ETF1: variants seen among roughly 807,000 people sequenced by gnomAD.
The protein encoded by ETF1 is eukaryotic translation termination factor 1, also known as eukaryotic peptide chain release factor subunit 1.
Under a neutral mutation model 55.1 loss-of-function variants are expected in ETF1, and 4 were observed. The ratio of observed to expected loss-of-function variants is 0.07; its 90% CI spans 0.04 to 0.17. ETF1 has a LOEUF of 0.17. ETF1 is among the 10% of genes least tolerant of loss of function. The probability of loss-of-function intolerance (pLI) is 1.00; values close to 1 mark genes in which losing one functional copy is unlikely to be tolerated. For missense variants in ETF1, 142 were observed against 523.6 expected (o/e 0.27, Z 7.11); for synonymous variants, 157 against 182.3 (o/e 0.86, Z 1.12).
At chr5:138,542,331 T>G (rs957141783) in intron 2 of ETF1, among the ~76,000 whole-genome samples, 3 of 152,086 alleles carry the variant, frequency 2.0e-5, no homozygotes, top group Admixed American at 6.6e-5. Context: ...AAAGAAGCTG[T>G]CCCTGGCCAC....
chr5:138,520,558 C>T lies in ETF1; in HGVS notation c.87-1691G>A, dbSNP rs143106336. 6.8e-3 allele frequency among the ~76,000 whole-genome samples: 1,040 copies of T among 152,284 alleles called. 30 individuals are homozygous for T. The highest frequency in any genetic ancestry group is 0.053 in the Admixed American group (812 of 15,290). ...GCAAAGCAAACACAGTGGCTCACAC[C>T]TGTAATCCCAGCACTTTGGGAGGCT... On this transcript the variant is annotated intron_variant, in intron 2 of 10. Coordinates refer to ENST00000360541, the MANE Select transcript of ETF1 (RefSeq NM_004730.4).
intron 2 of ETF1, among the ~76,000 whole-genome samples, chr5:138,520,357 C>A (rs138202126): frequency 6.6e-6 from 1 of 152,158 alleles, no homozygotes; most frequent in Non-Finnish European, 1.5e-5. Flanking sequence ...TGGGTAAATA[C>A]CATCAAGGCC....
At chr5:138,517,826 A>G (rs1216473927) in intron 3 of ETF1, 126 bp from the exon 4 acceptor site, 2 of 1,303,180 alleles carry the variant, frequency 1.5e-6, no homozygotes, top group Admixed American at 3.2e-5. Flanking sequence ...ATAAAGCAGA[A>G]AAAGCTTGAA....
intron 9 of ETF1, among the ~76,000 whole-genome samples, chr5:138,509,856 C>A (rs577248282): frequency 6.8e-6 from 1 of 147,568 alleles, no homozygotes; most frequent in African/African-American, 2.5e-5. Context: ...GATCACACCA[C>A]TGCACTCCAG....
In ETF1 at chr5:138,508,370, C is replaced by T; in HGVS notation, c.1249G>A (p.Val417Ile). The T allele has an allele frequency of 6.2e-7, 1 of 1,613,996 alleles. No homozygotes were observed. Among genetic ancestry groups the T allele is most frequent in the South Asian group, 1.1e-5 (1 of 91,050 alleles). The change falls in exon 11 of 11, where the codon GTA becomes ATA. Residue 417 changes from valine to isoleucine, a missense_variant. Val to Ile is a conservative substitution (Grantham distance 29). Around this residue, in one of 5 missense-constraint regions of ETF1, gnomAD observed 82 missense variants for 232.9 expected, o/e 0.35. Transcript: ENST00000360541. ...TGGTATTCCATTCCCTGGAAATCTA[C>T]TCGGTACCGCAAGATACCTGGGGAA... ...GGIGGILRYRVDFQGMEYQGG... is the reference protein window; with the variant it reads ...GGIGGILRYRIDFQGMEYQGG...
intron 2 of ETF1, among the ~76,000 whole-genome samples, chr5:138,526,304 C>T (rs758783434): frequency 3.9e-5 from 6 of 152,044 alleles, no homozygotes; most frequent in Non-Finnish European, 7.4e-5. Context: ...GTGAGGGGAA[C>T]GAAAATAAAC....
At chr5:138,537,460 T>C (rs1052079027) in intron 2 of ETF1, among the ~76,000 whole-genome samples, 12 of 152,242 alleles carry the variant, frequency 7.9e-5, no homozygotes, top group Admixed American at 7.8e-4. Context: ...TAGTTACACA[T>C]GTGGAAACCA....
At chr5:138,533,160 G>C (rs773789697) in intron 2 of ETF1, among the ~76,000 whole-genome samples, 1 of 151,708 alleles carries the variant, frequency 6.6e-6, no homozygotes, top group African/African-American at 2.4e-5. Context: ...GACTGGTCTC[G>C]AACTCCTGAC....
At chr5:138,533,596 G>GC (rs766273509) in intron 2 of ETF1, among the ~76,000 whole-genome samples, 1 of 152,162 alleles carries the variant, frequency 6.6e-6, no homozygotes, top group Non-Finnish European at 1.5e-5. Flanking sequence ...TGAGGCAGAA[G>GC]AATCGCTTAA....
chr5:138,541,661 C>T, intron 2 of ETF1: 1 of 1,503,250 alleles, frequency 6.7e-7, no homozygotes, highest in Non-Finnish European at 8.8e-7. Context: ...ATGTCAAATT[C>T]TTGTGCTGAA....
intron 2 of ETF1, among the ~76,000 whole-genome samples, chr5:138,537,080 T>C (rs1178905515): frequency 6.6e-6 from 1 of 152,214 alleles, no homozygotes; most frequent in Non-Finnish European, 1.5e-5. Flanking sequence ...TCACAGTGCA[T>C]AGAACACCAT....
intron 4 of ETF1, among the ~76,000 whole-genome samples, chr5:138,515,514 T>C (rs1026845345): frequency 5.9e-5 from 9 of 152,236 alleles, no homozygotes; most frequent in African/African-American, 1.7e-4. Context: ...GTTAGGTAGA[T>C]TGAAGTTTTT....
chr5:138,530,014 G>A (rs1169228466), intron 2 of ETF1, among the ~76,000 whole-genome samples: 1 of 152,092 alleles, frequency 6.6e-6, no homozygotes, highest in African/African-American at 2.4e-5. Flanking sequence ...GAGCAGCTAA[G>A]GTTATAGGCG....
rs528194093 is a variant in ETF1, at chr5:138,541,765, T to G, written c.86+1068A>C. 5.6e-4 allele frequency: 90 copies of G among 159,612 alleles called. 1 individual carries two copies. Among genetic ancestry groups the G allele is most frequent in the South Asian group, 1.3e-3 (10 of 7,606 alleles). The allele number at this position is 159,612 out of a possible 1,614,324, so 9.9% of individuals were successfully genotyped here. ...TAATAATGTTCCAAACACTTTTTTT[T>G]GGGGGGGGGGGCACTTCCTGTAAGT... On this transcript the variant is annotated intron_variant, in intron 2 of 10. Transcript: ENST00000360541.
chr5:138,510,891 A>G (rs1764748472), intron 8 of ETF1, 154 bp downstream of exon 8: 1 of 964,120 alleles, frequency 1.0e-6, no homozygotes, highest in African/African-American at 1.8e-5. Context: ...AAGCAGAAAA[A>G]TCTATGCAGG....
At chr5:138,530,310 G>A (rs1048790127) in intron 2 of ETF1, among the ~76,000 whole-genome samples, 17 of 151,856 alleles carry the variant, frequency 1.1e-4, no homozygotes, top group African/African-American at 4.1e-4. Flanking sequence ...ACAGAGTCTC[G>A]CTCTGCCACC....
At chr5:138,518,094 C>G (rs1056716332) in intron 3 of ETF1, among the ~76,000 whole-genome samples, 59 of 150,160 alleles carry the variant, frequency 3.9e-4, no homozygotes, top group African/African-American at 1.3e-3. Context: ...CCCAGCTACT[C>G]GAGAGGCTGA....
chr5:138,508,509 A>G lies in ETF1; in HGVS notation c.1232-122T>C, dbSNP rs116485334. On this transcript the variant is annotated intron_variant, in intron 10 of 10. Coordinates refer to ENST00000360541, the MANE Select transcript of ETF1 (RefSeq NM_004730.4). ...CAGAATTGCAGAAAGCAAAGAGGTAATAATAAACATGGGTCCAAATTAGGA... is the reference window on the plus strand; with the variant it reads ...CAGAATTGCAGAAAGCAAAGAGGTAGTAATAAACATGGGTCCAAATTAGGA... 2.6e-3 allele frequency: 3,989 copies of G among 1,558,762 alleles called. 112 individuals are homozygous for G. In the African/African-American group the frequency reaches 0.046, roughly 18 times the overall value.
intron 2 of ETF1, among the ~76,000 whole-genome samples, chr5:138,541,222 G>A (rs1187631043): frequency 1.3e-5 from 2 of 152,248 alleles, no homozygotes; most frequent in Non-Finnish European, 1.5e-5. Context: ...ATAATGGGTC[G>A]TGACCTATGT....
Sources: allele counts gnomAD v4.1 joint callset (sites outside exome capture counted in the v4.1 genomes callset), GRCh38; gene constraint gnomAD v4.1.1; regional missense constraint gnomAD v4.1.1; transcripts MANE v1.5; gene names NCBI Gene and HGNC (gene_info 2026-07-23, HGNC 2026-07-21).